Variants in MINDY4B observed in about 807,000 individuals in gnomAD.
MINDY4B encodes MINDY family member 4B.
MINDY4B carries 25 observed loss-of-function variants against 16.7 expected under a neutral mutation model. The ratio of observed to expected loss-of-function variants is 1.49; its 90% CI spans 1.09 to 2.09. MINDY4B has a LOEUF of 2.09. MINDY4B is among the 30% of genes most tolerant of loss of function. The pLI, the probability that MINDY4B is intolerant of heterozygous loss-of-function variation, is 0.00. For synonymous variants in MINDY4B, 132 were observed against 61.9 expected, an observed-to-expected ratio of 2.13 and a Z score of -5.32; for missense variants, 327 against 168.4, an observed-to-expected ratio of 1.94 and a Z score of -5.21.
At chr3:150,901,534 T>G (rs868767502) in intron 3 of MINDY4B, 6 of 151,078 alleles carry the variant, frequency 4.0e-5, no homozygotes, top group Non-Finnish European at 8.8e-5. Flanking sequence ...TTTTTTTTTT[T>G]TTTTTTTGAC....
chr3:150,896,819 C>T (rs528088764), intron 3 of MINDY4B, among the ~76,000 whole-genome samples: 2 of 152,092 alleles, frequency 1.3e-5, no homozygotes, highest in Non-Finnish European at 2.9e-5. Context: ...TACTTTTCAC[C>T]AGCTTGGGAC....
chr3:150,898,808 A>T (rs986923883), intron 3 of MINDY4B, among the ~76,000 whole-genome samples: 8 of 152,212 alleles, frequency 5.3e-5, no homozygotes, highest in African/African-American at 1.9e-4. Context: ...TTATACACAC[A>T]TTCAAAGATA....
At chr3:150,890,853 C>A in intron 6 of MINDY4B, 85 bp downstream of exon 6, 4 of 659,776 alleles carry the variant, frequency 6.1e-6, no homozygotes, top group Non-Finnish European at 1.1e-5. Context: ...TGGATGGGGC[C>A]CCACCTGCAT....
intron 7 of MINDY4B, among the ~76,000 whole-genome samples, chr3:150,887,820 G>A (rs531180196): frequency 1.3e-5 from 2 of 152,286 alleles, no homozygotes; most frequent in East Asian, 3.9e-4. Flanking sequence ...TGTAAGAGTA[G>A]GGCCATTGCC....
rs1380796300 is a variant in MINDY4B at position 150,882,951 on chromosome 3, A to T, written c.1005T>A (p.Asp335Glu). 1.3e-5 allele frequency: 9 copies of T among 702,920 alleles called. No individual in the cohort carries two copies. In the Admixed American group the frequency reaches 1.8e-4, roughly 14 times the overall value. 43.5% of individuals were successfully genotyped at this position (702,920 alleles called of 1,614,324 possible). A position where few individuals can be genotyped will look rare whatever the true frequency, so the allele number is the denominator to read the frequency against. ...ETLHGVLTRS[D>E]VGYLQWGKDA... ...CCTTACCCCACTGCAAATAGCCAAC[A>T]TCACTGCGGGTCAGGACTCCATGTA... The change falls in exon 10 of 12, where the codon GAT becomes GAA. Residue 335 changes from aspartate to glutamate, a missense_variant. Transcript: ENST00000465419.
intron 10 of MINDY4B, among the ~76,000 whole-genome samples, chr3:150,876,515 A>ATACT (rs1160150077): frequency 4.6e-5 from 7 of 152,320 alleles, no homozygotes; most frequent in Admixed American, 1.3e-4. Flanking sequence ...TCTGGAATAC[A>ATACT]TACTTGATGT....
chr3:150,882,288 G>A (rs967153650), intron 10 of MINDY4B, among the ~76,000 whole-genome samples: 1 of 152,108 alleles, frequency 6.6e-6, no homozygotes, highest in African/African-American at 2.4e-5. Context: ...TTAATTCCCT[G>A]GTTGTGCTTT....
rs1265523260 is a variant in MINDY4B, at chr3:150,890,995, A to C, written c.630T>G (p.Thr210=). The change falls in exon 6 of 12, where the codon ACT becomes ACG. Residue 210 remains threonine, a synonymous_variant. Coordinates refer to ENST00000465419, the MANE Select transcript of MINDY4B (RefSeq NM_001351281.2). ...GAGTCGACGCAACGTAAATGTCCTC[A>C]GTGACAAGACAGATGGTGGCCTTCT... ...AAQKATICLV[T]EDIYVASTPD... 2.8e-6 allele frequency: 2 copies of C among 702,770 alleles called. No individual in the cohort carries two copies. The highest frequency in any genetic ancestry group is 5.2e-6 in the Non-Finnish European group (2 of 384,858). The allele number at this position is 702,770 out of a possible 1,614,324, so 43.5% of individuals were successfully genotyped here. A position where few individuals can be genotyped will look rare whatever the true frequency, so the allele number is the denominator to read the frequency against.
intron 2 of MINDY4B, 111 bp from the exon 3 acceptor site, chr3:150,903,527 C>T: frequency 2.5e-6 from 1 of 396,832 alleles, no homozygotes; most frequent in Non-Finnish European, 4.4e-6. Flanking sequence ...AATGTTGTCT[C>T]ACTTTTAAAG....
chr3:150,880,627 C>G (rs1157172172), intron 10 of MINDY4B, among the ~76,000 whole-genome samples: 2 of 152,222 alleles, frequency 1.3e-5, no homozygotes, highest in Non-Finnish European at 2.9e-5. Flanking sequence ...ATTACCTACT[C>G]AGATGACTGA....
chr3:150,883,103 A>G (rs912584557), intron 9 of MINDY4B, 45 bp from the exon 10 acceptor site: 1 of 584,622 alleles, frequency 1.7e-6, no homozygotes, highest in South Asian at 2.0e-5. Context: ...GATAGCAATG[A>G]AACAATAACT....
At chr3:150,894,688 A>G (rs1287734710) in intron 3 of MINDY4B, among the ~76,000 whole-genome samples, 2 of 152,234 alleles carry the variant, frequency 1.3e-5, no homozygotes, top group Non-Finnish European at 1.5e-5. Context: ...GATTTAAACA[A>G]GCATTCTCTC....
intron 10 of MINDY4B, among the ~76,000 whole-genome samples, chr3:150,874,779 C>G (rs993322554): frequency 4.6e-5 from 7 of 152,184 alleles, no homozygotes; most frequent in African/African-American, 1.7e-4. Context: ...AGGCTAATAA[C>G]TTGACATTTT....
At chr3:150,885,471 C>T (rs1711598194) in intron 7 of MINDY4B, 33 bp from the exon 8 acceptor site, 2 of 610,994 alleles carry the variant, frequency 3.3e-6, no homozygotes, top group Non-Finnish European at 5.8e-6. Flanking sequence ...GCATGTTGGT[C>T]TAAAAGCAAC....
chr3:150,873,931 A>G (rs1717028582), intron 10 of MINDY4B, among the ~76,000 whole-genome samples: 1 of 150,542 alleles, frequency 6.6e-6, no homozygotes, highest in Non-Finnish European at 1.5e-5. Context: ...TAACATGATC[A>G]TTTGTGAAGA....
intron 3 of MINDY4B, among the ~76,000 whole-genome samples, chr3:150,900,511 G>A (rs1712089727): frequency 6.6e-6 from 1 of 152,124 alleles, no homozygotes. Context: ...TGCCTCCCTA[G>A]AACAAGCATA....
At position 150,883,750 on chromosome 3, in the gene MINDY4B, T is replaced by G. The variant is rs960891409; in HGVS notation, c.847A>C (p.Thr283Pro). ...FERLQMDLDVTTTQLLQPNAG... is the reference protein window; with the variant it reads ...FERLQMDLDVPTTQLLQPNAG... ...TTTGGTTGTAGCAGCTGAGTGGTGGTGACATCTAGGTCCATTTGAAGCCTG... is the reference window on the plus strand; with the variant it reads ...TTTGGTTGTAGCAGCTGAGTGGTGGGGACATCTAGGTCCATTTGAAGCCTG... The change falls in exon 9 of 12, where the codon ACC becomes CCC. Residue 283 changes from threonine to proline, a missense_variant. Coordinates refer to ENST00000465419, the MANE Select transcript of MINDY4B (RefSeq NM_001351281.2). The G allele has an allele frequency of 5.7e-6, 4 of 702,682 alleles. No individual in the cohort carries two copies. Among genetic ancestry groups the G allele is most frequent in the Non-Finnish European group, 1.0e-5 (4 of 384,836 alleles). The allele number at this position is 702,682 out of a possible 1,614,324, so 43.5% of individuals were successfully genotyped here. A position where few individuals can be genotyped will look rare whatever the true frequency, so the allele number is the denominator to read the frequency against.
At chr3:150,887,153 C>G (rs1233502860) in intron 7 of MINDY4B, among the ~76,000 whole-genome samples, 1 of 152,162 alleles carries the variant, frequency 6.6e-6, no homozygotes. Flanking sequence ...TTACGAAACA[C>G]AGGCATTGCA....
chr3:150,893,826 G>A (rs1259285471), intron 4 of MINDY4B, among the ~76,000 whole-genome samples: 6 of 151,972 alleles, frequency 3.9e-5, no homozygotes, highest in Non-Finnish European at 7.4e-5. Context: ...GAGTAGCTAG[G>A]ATTACAGGTG....
Sources: allele counts gnomAD v4.1 joint callset (sites outside exome capture counted in the v4.1 genomes callset), GRCh38; gene constraint gnomAD v4.1.1; transcripts MANE v1.5; gene names NCBI Gene and HGNC (gene_info 2026-07-23, HGNC 2026-07-21).